JUP: variants seen among roughly 807,000 people sequenced by gnomAD.
The protein encoded by JUP is junction plakoglobin.
A neutral mutation model predicts 71.1 loss-of-function variants in JUP; 28 were observed. That is an observed-to-expected ratio of 0.39 (90% CI 0.29 to 0.54). The LOEUF is 0.54. Ranked by LOEUF, JUP falls within the 20% of genes least tolerant of loss-of-function variation. JUP has a pLI of 0.62. For missense variants in JUP, 869 were observed against 1,030.1 expected (o/e 0.84, Z 2.14); for synonymous variants, 401 against 438.9 (o/e 0.91, Z 1.08).
intron 1 of JUP, among the ~76,000 whole-genome samples, chr17:41,773,716 G>A (rs1318769706): frequency 6.6e-6 from 1 of 151,976 alleles, no homozygotes; most frequent in Non-Finnish European, 1.5e-5. Context: ...CTCGGAGAAG[G>A]CAGACATGGG....
chr17:41,767,595 A>C lies in JUP; in HGVS notation c.708-15T>G. On this transcript the variant is annotated splice_polypyrimidine_tract_variant and intron_variant, in intron 4 of 13. Coordinates refer to ENST00000393931, the MANE Select transcript of JUP (RefSeq NM_002230.4). Reference sequence around the variant, plus strand: ...CCACAGGGGAGCTGGGGGGGTGGGCAGGGGTTAGTACGCTGAGGTCCCAGA... The same window carrying C: ...CCACAGGGGAGCTGGGGGGGTGGGCCGGGGTTAGTACGCTGAGGTCCCAGA... The C allele has an allele frequency of 3.4e-5, 32 of 939,100 alleles. No homozygotes were observed. The highest frequency in any genetic ancestry group is 5.0e-5 in the Non-Finnish European group (30 of 602,382). The allele number at this position is 939,100 out of a possible 1,614,324, so 58.2% of individuals were successfully genotyped here. A position where few individuals can be genotyped will look rare whatever the true frequency, so the allele number is the denominator to read the frequency against.
At chr17:41,780,384 G>A (rs1327885516) in intron 1 of JUP, among the ~76,000 whole-genome samples, 5 of 151,592 alleles carry the variant, frequency 3.3e-5, no homozygotes, top group African/African-American at 4.9e-5. Flanking sequence ...GGGACAGAGC[G>A]AGTCCCTACC....
chr17:41,755,017 G>T lies in JUP; in HGVS notation c.*727C>A. On this transcript the variant is annotated 3_prime_UTR_variant, in exon 14 of 14. Transcript: ENST00000393931. ...CTTTTCAAGAGAAGTTTTGGATTTT[G>T]GGGGTTTGGGTCTCGAACCTGGGCC... The T allele has an allele frequency of 3.0e-6, 1 of 330,962 alleles. No individual in the cohort carries two copies. The allele number at this position is 330,962 out of a possible 1,614,324, so 20.5% of individuals were successfully genotyped here. A position where few individuals can be genotyped will look rare whatever the true frequency, so the allele number is the denominator to read the frequency against.
At chr17:41,780,968 CA>C (rs2047128597) in intron 1 of JUP, among the ~76,000 whole-genome samples, 1 of 152,048 alleles carries the variant, frequency 6.6e-6, no homozygotes, top group Non-Finnish European at 1.5e-5. Context: ...ATCATGAGGT[CA>C]GGAGATCGAG....
At chr17:41,766,855 A>G (rs1339188012) in intron 5 of JUP, among the ~76,000 whole-genome samples, 1 of 149,730 alleles carries the variant, frequency 6.7e-6, no homozygotes. Flanking sequence ...ACTCCATCTC[A>G]AACAAAAAAA....
In JUP at chr17:41,758,875, CA is replaced by C. The variant is rs1555599887; in HGVS notation, c.1498-6del. The C allele has an allele frequency of 7.5e-6, 12 of 1,594,914 alleles. No individual in the cohort carries two copies. The highest frequency in any genetic ancestry group is 6.8e-6 in the Non-Finnish European group (8 of 1,171,000). The stretch of plus-strand genomic sequence containing the variant: ...CCTGATCAAGCCGATGGTTGCCTGG[CA>C]AAAAAAGGGGCAGTGATCAGGGGCA... On this transcript the variant is annotated splice_region_variant and splice_polypyrimidine_tract_variant and intron_variant, in intron 8 of 13. Coordinates refer to ENST00000393931, the MANE Select transcript of JUP (RefSeq NM_002230.4).
At position 41,767,598 on chromosome 17, in the gene JUP, G is replaced by C; in HGVS notation, c.708-18C>G. 1 of 1,592,420 alleles carries C rather than the reference G, an allele frequency of 6.3e-7. No homozygotes were observed. Among genetic ancestry groups the C allele is most frequent in the Non-Finnish European group, 8.6e-7 (1 of 1,165,246 alleles). On this transcript the variant is annotated intron_variant, in intron 4 of 13. Transcript: ENST00000393931. ...CAGGGGAGCTGGGGGGGTGGGCAGGGGTTAGTACGCTGAGGTCCCAGAGGC... is the reference window on the plus strand; with the variant it reads ...CAGGGGAGCTGGGGGGGTGGGCAGGCGTTAGTACGCTGAGGTCCCAGAGGC...
rs1208584372 is a variant in JUP at position 41,786,679 on chromosome 17, G to C, written c.-100C>G. 5 of 152,594 alleles carry C rather than the reference G, an allele frequency of 3.3e-5. No individual in the cohort carries two copies. Among genetic ancestry groups the C allele is most frequent in the African/African-American group, 1.2e-4 (5 of 41,474 alleles). The allele number at this position is 152,594 out of a possible 1,614,324, so 9.5% of individuals were successfully genotyped here. A position where few individuals can be genotyped will look rare whatever the true frequency, so the allele number is the denominator to read the frequency against. ...ACTGAGCTCGGCGTGGTCGGGCGGCGGCTGCTCCGGACTCTGGCCAAGGCA... is the reference window on the plus strand; with the variant it reads ...ACTGAGCTCGGCGTGGTCGGGCGGCCGCTGCTCCGGACTCTGGCCAAGGCA... On this transcript the variant is annotated 5_prime_UTR_variant, in exon 1 of 14. Transcript: ENST00000393931.
At chr17:41,773,880 G>A (rs78225302) in intron 1 of JUP, among the ~76,000 whole-genome samples, 1 of 152,304 alleles carries the variant, frequency 6.6e-6, no homozygotes, top group East Asian at 1.9e-4. Flanking sequence ...AAGTAAACAC[G>A]GTAGCAATAA....
intron 1 of JUP, among the ~76,000 whole-genome samples, chr17:41,783,963 C>T (rs919908836): frequency 3.0e-4 from 46 of 151,030 alleles, no homozygotes; most frequent in Admixed American, 8.6e-4. Flanking sequence ...CTTGAGTTAC[C>T]GTTTGTCAAG....
chr17:41,762,243 C>G (rs1481068351), intron 8 of JUP, among the ~76,000 whole-genome samples: 12 of 98,700 alleles, frequency 1.2e-4, no homozygotes, highest in African/African-American at 3.9e-4. Flanking sequence ...TTTTTTTTTT[C>G]CAAATTTTTT....
At chr17:41,757,024 C>A (rs1555598334) in intron 12 of JUP, among the ~76,000 whole-genome samples, 1 of 152,114 alleles carries the variant, frequency 6.6e-6, no homozygotes, top group Non-Finnish European at 1.5e-5. Flanking sequence ...CCTCGGTACT[C>A]CCCAGGGAGG....
At chr17:41,785,341 G>T (rs551926924) in intron 1 of JUP, among the ~76,000 whole-genome samples, 1 of 152,258 alleles carries the variant, frequency 6.6e-6, no homozygotes, top group East Asian at 1.9e-4. Context: ...TCCTGGGGAG[G>T]GGGCAGAGCT....
At position 41,763,134 on chromosome 17, in the gene JUP, T is replaced by A. The variant is rs1174382765; in HGVS notation, c.1346A>T (p.Asp449Val). ...GCAGACGGCAGGCTCCGTGATGTCG[T>A]CCTTGTCACCAGCACGCAGGATGGC... ...IHAILRAGDK[D>V]DITEPAVCAL... The change falls in exon 8 of 14, where the codon GAC becomes GTC. Residue 449 changes from aspartate (D) to valine (V), a missense_variant. Physicochemically the swap from Asp to Val is radical, Grantham distance 152 (BLOSUM62 -3). Coordinates refer to ENST00000393931, the MANE Select transcript of JUP (RefSeq NM_002230.4). The A allele has an allele frequency of 2.5e-6, 4 of 1,614,214 alleles. No homozygotes were observed. Among genetic ancestry groups the A allele is most frequent in the Non-Finnish European group, 3.4e-6 (4 of 1,180,042 alleles).
Position 41,754,989 on chromosome 17 carries a change from G to A in JUP, c.*755C>T, listed in dbSNP as rs1555596695. The A allele has an allele frequency of 3.8e-6, 1 of 266,210 alleles. No homozygotes were observed. Among genetic ancestry groups the A allele is most frequent in the Admixed American group, 5.4e-5 (1 of 18,612 alleles). 16.5% of individuals were successfully genotyped at this position (266,210 alleles called of 1,614,324 possible). A position where few individuals can be genotyped will look rare whatever the true frequency, so the allele number is the denominator to read the frequency against. On this transcript the variant is annotated 3_prime_UTR_variant, in exon 14 of 14. Coordinates refer to ENST00000393931, the MANE Select transcript of JUP (RefSeq NM_002230.4). ...TCCCCATCTCCCCTGGACGGTCCCTGAACTTTTCAAGAGAAGTTTTGGATT... is the reference window on the plus strand; with the variant it reads ...TCCCCATCTCCCCTGGACGGTCCCTAAACTTTTCAAGAGAAGTTTTGGATT...
intron 5 of JUP, among the ~76,000 whole-genome samples, chr17:41,766,003 C>A (rs529674018): frequency 6.6e-6 from 1 of 152,270 alleles, no homozygotes; most frequent in South Asian, 2.1e-4. Context: ...TGACTTTAAT[C>A]CCAGCATTTC....
At chr17:41,764,665 G>A (rs375536237) in intron 7 of JUP, 48 bp downstream of exon 7, 63 of 1,484,544 alleles carry the variant, frequency 4.2e-5, no homozygotes, top group Admixed American at 1.0e-4. Flanking sequence ...CAGGAGGCTG[G>A]ATGGGGCAGC....
chr17:41,780,353 C>T (rs1275611362), intron 1 of JUP, among the ~76,000 whole-genome samples: 3 of 151,780 alleles, frequency 2.0e-5, no homozygotes, highest in South Asian at 4.2e-4. Flanking sequence ...GCTGTGATCA[C>T]GCCACTGCAC....
At position 41,757,801 on chromosome 17, in the gene JUP, T is replaced by A; in HGVS notation, c.1774-17A>T. 6.3e-7 allele frequency: 1 copy of A among 1,598,970 alleles called. No homozygotes were observed. The highest frequency in any genetic ancestry group is 8.5e-7 in the Non-Finnish European group (1 of 1,172,278). Reference sequence around the variant, plus strand: ...GTACAGGAGCTGGGGAGAGGGGACGTGGGAAGCAGGGGAGAGGTGGAAAGG... The same window carrying A: ...GTACAGGAGCTGGGGAGAGGGGACGAGGGAAGCAGGGGAGAGGTGGAAAGG... On this transcript the variant is annotated splice_polypyrimidine_tract_variant and intron_variant, in intron 10 of 13. Coordinates refer to ENST00000393931, the MANE Select transcript of JUP (RefSeq NM_002230.4).
Sources: gnomAD v4.1 joint callset for allele counts (sites outside exome capture counted in the v4.1 genomes callset) on GRCh38, gnomAD v4.1.1 for gene constraint, MANE v1.5 for transcripts, NCBI Gene and HGNC (gene_info 2026-07-23, HGNC 2026-07-21) for gene names.